The following PDE9A variants were observed in gnomAD, a reference collection of about 807,000 sequenced individuals.
The protein encoded by PDE9A is phosphodiesterase 9A.
In PDE9A, 60 loss-of-function variants were observed where a neutral mutation model predicts 87.4. The ratio of observed to expected loss-of-function variants is 0.69; its 90% CI spans 0.56 to 0.85. The LOEUF is 0.85. Ranked by LOEUF, PDE9A falls within the 40% of genes least tolerant of loss-of-function variation. The pLI, the probability that PDE9A is intolerant of heterozygous loss-of-function variation, is 0.00. For synonymous variants in PDE9A, 272 were observed against 279.4 expected, an observed-to-expected ratio of 0.97 and a Z score of 0.27; for missense variants, 665 against 779.0, an observed-to-expected ratio of 0.85 and a Z score of 1.74.
Position 42,731,483 on chromosome 21 carries a change from T to C in PDE9A, c.263-287T>C, listed in dbSNP as rs374786146. ...ACACCTTCCTGTGAGGTATCTGGCA[T>C]TGAGCCTGGTCAGGAAACAGGAAGA... On this transcript the variant is annotated intron_variant, in intron 4 of 19. Coordinates refer to ENST00000291539, the MANE Select transcript of PDE9A (RefSeq NM_002606.3). Among the ~76,000 whole-genome samples, 19 of 152,268 alleles carry C rather than the reference T, an allele frequency of 1.2e-4. No homozygotes were observed. In the South Asian group the frequency reaches 1.9e-3, roughly 15 times the overall value.
Position 42,760,295 on chromosome 21 carries a change from C to A in PDE9A, c.898-33C>A, listed in dbSNP as rs945859347. Reference sequence around the variant, plus strand: ...GGGAGGAGAGGTGGGCGGGCCCAGGCACAGGGTGACTCGGACCCCCTGCCT... The same window carrying A: ...GGGAGGAGAGGTGGGCGGGCCCAGGAACAGGGTGACTCGGACCCCCTGCCT... On this transcript the variant is annotated intron_variant, in intron 11 of 19. Transcript: ENST00000291539. This position sits in a 1 kb window ranked among gnomAD's most constrained non-coding sequence, Gnocchi z 5.2. 2.3e-5 allele frequency: 31 copies of A among 1,335,746 alleles called. No individual in the cohort carries two copies. The highest frequency in any genetic ancestry group is 3.3e-5 in the Non-Finnish European group (31 of 932,608). 82.7% of individuals were successfully genotyped at this position (1,335,746 alleles called of 1,614,324 possible).
intron 1 of PDE9A, among the ~76,000 whole-genome samples, chr21:42,673,762 C>T (rs1400299081): frequency 6.6e-6 from 1 of 152,126 alleles, no homozygotes; most frequent in Non-Finnish European, 1.5e-5. Flanking sequence ...CCAGAACCGC[C>T]CTCCTCGCTG....
At chr21:42,697,345 G>T in intron 3 of PDE9A, 2 of 880,652 alleles carry the variant, frequency 2.3e-6, no homozygotes, top group Non-Finnish European at 3.8e-6. Context: ...CACATGTATT[G>T]CCCCCAGTTA....
At position 42,719,825 on chromosome 21, in the gene PDE9A, C is replaced by T. The variant is rs530378490; in HGVS notation, c.263-11945C>T. Among the ~76,000 whole-genome samples the T allele has an allele frequency of 7.9e-5, 12 of 152,202 alleles. No homozygotes were observed. The South Asian group carries it at 1.7e-3, about 21-fold the overall frequency. Reference sequence around the variant, plus strand: ...CTACAAATGTTGCTGCTGTGTACAACCTGTTAAAGTCCACAGATGGAATAA... The same window carrying T: ...CTACAAATGTTGCTGCTGTGTACAATCTGTTAAAGTCCACAGATGGAATAA... On this transcript the variant is annotated intron_variant, in intron 4 of 19. Coordinates refer to ENST00000291539, the MANE Select transcript of PDE9A (RefSeq NM_002606.3).
intron 1 of PDE9A, among the ~76,000 whole-genome samples, chr21:42,656,452 G>T (rs867443558): frequency 1.4e-4 from 21 of 152,256 alleles, no homozygotes; most frequent in African/African-American, 4.6e-4. Flanking sequence ...CTCCGGCAAA[G>T]CTCCAGGTTG....
At chr21:42,765,315 G>C (rs1300030678) in intron 14 of PDE9A, 66 bp from the exon 15 acceptor site, 1 of 860,816 alleles carries the variant, frequency 1.2e-6, no homozygotes, top group East Asian at 2.6e-5. Context: ...TCAGTACACA[G>C]TAGGCCTCCG....
chr21:42,672,264 C>G (rs1294667938), intron 1 of PDE9A, among the ~76,000 whole-genome samples: 2 of 152,212 alleles, frequency 1.3e-5, no homozygotes, highest in Non-Finnish European at 2.9e-5. Context: ...AGCACGCACC[C>G]CTGGAGCTGA....
chr21:42,726,624 A>ATTTTTTTTTTTTTTTT (rs1197356167), intron 4 of PDE9A, among the ~76,000 whole-genome samples: 1 of 19,780 alleles, frequency 5.1e-5, no homozygotes, highest in African/African-American at 3.4e-4. Flanking sequence ...ATATATATAT[A>ATTTTTTTTTTTTTTTT]TTTTTTTTTT....
intron 1 of PDE9A, among the ~76,000 whole-genome samples, chr21:42,661,605 G>C (rs1407816704): frequency 6.6e-6 from 1 of 152,112 alleles, no homozygotes; most frequent in East Asian, 1.9e-4. Context: ...CATTGTGTGC[G>C]TGGACCACAT....
At chr21:42,718,439 A>T (rs117188810) in intron 4 of PDE9A, among the ~76,000 whole-genome samples, 1 of 151,778 alleles carries the variant, frequency 6.6e-6, no homozygotes, top group South Asian at 2.1e-4. Context: ...TTGTCTTTCA[A>T]GTGACTGCAG....
At chr21:42,769,399 A>G (rs906263395) in intron 17 of PDE9A, among the ~76,000 whole-genome samples, 67 of 115,902 alleles carry the variant, frequency 5.8e-4, no homozygotes, top group African/African-American at 2.3e-3. Context: ...ACACAAATGC[A>G]CACACACGGC....
intron 8 of PDE9A, among the ~76,000 whole-genome samples, chr21:42,749,601 T>G (rs2054214098): frequency 6.6e-6 from 1 of 152,230 alleles, no homozygotes; most frequent in South Asian, 2.1e-4. Flanking sequence ...TACCAAGTGC[T>G]AAACAAAAAC....
At chr21:42,714,753 T>G (rs1569189963) in intron 4 of PDE9A, among the ~76,000 whole-genome samples, 1 of 137,290 alleles carries the variant, frequency 7.3e-6, no homozygotes, top group African/African-American at 2.7e-5. Context: ...TTGATATGGT[T>G]GAGGTTAGCT....
intron 4 of PDE9A, among the ~76,000 whole-genome samples, chr21:42,726,624 A>ATATATATATTT: frequency 1.5e-4 from 3 of 19,774 alleles, no homozygotes; most frequent in Non-Finnish European, 2.2e-4. Context: ...ATATATATAT[A>ATATATATATTT]TTTTTTTTTT....
chr21:42,716,434 G>A (rs922352662), intron 4 of PDE9A, among the ~76,000 whole-genome samples: 9 of 151,834 alleles, frequency 5.9e-5, no homozygotes, highest in African/African-American at 1.9e-4. Flanking sequence ...TCTGATAGGT[G>A]TATTGCAGTA....
intron 7 of PDE9A, among the ~76,000 whole-genome samples, chr21:42,743,334 C>G (rs2053506240): frequency 6.6e-6 from 1 of 152,266 alleles, no homozygotes; most frequent in African/African-American, 2.4e-5. Flanking sequence ...GATCGTAATC[C>G]TTGCTGAAAA....
At chr21:42,712,105 T>C (rs1159826713) in intron 4 of PDE9A, among the ~76,000 whole-genome samples, 1 of 152,204 alleles carries the variant, frequency 6.6e-6, no homozygotes, top group Non-Finnish European at 1.5e-5. Flanking sequence ...ATTACTATTT[T>C]ATTTACTATA....
chr21:42,653,713 G>GGGGGGCC lies in PDE9A; in HGVS notation c.-102_-101insGGGGGCC. ...TGTGGTTGGCTGAGCGCCGCGGGCC[G>GGGGGGCC]CCCCCCGCCCGCCCCCTCCCCTGCT... On this transcript the variant is annotated 5_prime_UTR_variant, in exon 1 of 20. Coordinates refer to ENST00000291539, the MANE Select transcript of PDE9A (RefSeq NM_002606.3). The GGGGGGCC allele has an allele frequency of 3.4e-6, 1 of 292,976 alleles. No individual in the cohort carries two copies. The highest frequency in any genetic ancestry group is 6.4e-6 in the Non-Finnish European group (1 of 157,278). The allele number at this position is 292,976 out of a possible 1,614,324, so 18.1% of individuals were successfully genotyped here. A position where few individuals can be genotyped will look rare whatever the true frequency, so the allele number is the denominator to read the frequency against.
At chr21:42,676,781 G>A (rs1445843614) in intron 1 of PDE9A, among the ~76,000 whole-genome samples, 1 of 152,222 alleles carries the variant, frequency 6.6e-6, no homozygotes, top group Non-Finnish European at 1.5e-5. Flanking sequence ...CAATGTGGCT[G>A]CTCTTAGAAA....
Sources: gnomAD v4.1 joint callset for allele counts (sites outside exome capture counted in the v4.1 genomes callset) on GRCh38, gnomAD v4.1.1 for gene constraint, Gnocchi (gnomAD v3.1) non-coding constraint, MANE v1.5 for transcripts, NCBI Gene and HGNC (gene_info 2026-07-23, HGNC 2026-07-21) for gene names.